Variants in ST6GALNAC5 observed in about 807,000 individuals in gnomAD.
The protein encoded by ST6GALNAC5 is alpha-N-acetylgalactosaminide alpha-2,6-sialyltransferase 5.
ST6GALNAC5 carries 27 observed loss-of-function variants against 33.6 expected under a neutral mutation model. The ratio of observed to expected loss-of-function variants is 0.80; its 90% CI spans 0.59 to 1.11. The LOEUF (loss-of-function observed/expected upper bound fraction) is 1.11. ST6GALNAC5 is among the 50% of genes least tolerant of loss of function. The probability of loss-of-function intolerance (pLI) is 0.00; values close to 1 mark genes in which losing one functional copy is unlikely to be tolerated. For missense variants in ST6GALNAC5, 428 were observed against 454.0 expected, an observed-to-expected ratio of 0.94 and a Z score of 0.52; for synonymous variants, 194 against 171.2, an observed-to-expected ratio of 1.13 and a Z score of -1.04.
chr1:76,989,270 C>T (rs1028424542), intron 2 of ST6GALNAC5, among the ~76,000 whole-genome samples: 1 of 151,794 alleles, frequency 6.6e-6, no homozygotes, highest in Admixed American at 6.6e-5. Context: ...GTTTTTATTT[C>T]CTTAATTCTT....
chr1:76,968,486 G>A lies in ST6GALNAC5; in HGVS notation c.262-75718G>A, dbSNP rs556991269. Among the ~76,000 whole-genome samples the A allele has an allele frequency of 3.3e-5, 5 of 152,252 alleles. No individual in the cohort carries two copies. The South Asian group carries it at 1.0e-3, about 32-fold the overall frequency. On this transcript the variant is annotated intron_variant, in intron 2 of 4. Transcript: ENST00000477717. ...AGCCTATGTGTGTCTCTGCACATGA[G>A]ATGGGTCTCCTGAATAGAGCACACT...
chr1:76,911,226 T>C (rs1646908397), intron 2 of ST6GALNAC5, among the ~76,000 whole-genome samples: 1 of 152,174 alleles, frequency 6.6e-6, no homozygotes, highest in South Asian at 2.1e-4. Context: ...TTTGGTTCTG[T>C]TTATATGCTG....
At chr1:76,983,901 C>A (rs1316842587) in intron 2 of ST6GALNAC5, among the ~76,000 whole-genome samples, 4 of 152,226 alleles carry the variant, frequency 2.6e-5, no homozygotes, top group African/African-American at 9.6e-5. Flanking sequence ...CAACCTGCTC[C>A]TGAATGACTA....
intron 2 of ST6GALNAC5, among the ~76,000 whole-genome samples, chr1:76,942,094 G>C (rs961438994): frequency 6.6e-6 from 1 of 152,150 alleles, no homozygotes; most frequent in East Asian, 1.9e-4. Flanking sequence ...TTTTCTGTAC[G>C]GGTGCATCAC....
At chr1:76,870,222 C>T (rs1380901766) in intron 2 of ST6GALNAC5, among the ~76,000 whole-genome samples, 4 of 152,078 alleles carry the variant, frequency 2.6e-5, no homozygotes, top group East Asian at 3.8e-4. Context: ...TGCAAGCAAC[C>T]GATAAGGGCT....
At chr1:76,976,051 C>A (rs1648998652) in intron 2 of ST6GALNAC5, among the ~76,000 whole-genome samples, 1 of 152,016 alleles carries the variant, frequency 6.6e-6, no homozygotes, top group East Asian at 1.9e-4. Flanking sequence ...GTTGAGATTG[C>A]ACCACAGCAT....
intron 2 of ST6GALNAC5, among the ~76,000 whole-genome samples, chr1:76,922,299 T>C (rs1026823960): frequency 1.3e-5 from 2 of 152,090 alleles, no homozygotes; most frequent in African/African-American, 4.8e-5. Flanking sequence ...GGTATAAACC[T>C]AACAAAAAAA....
At chr1:76,923,343 C>T (rs546421559) in intron 2 of ST6GALNAC5, among the ~76,000 whole-genome samples, 21 of 151,324 alleles carry the variant, frequency 1.4e-4, no homozygotes, top group Admixed American at 3.9e-4. Context: ...AGCCATTGGA[C>T]GGGGTTTGGA....
chr1:77,036,027 T>C (rs2100453425), intron 2 of ST6GALNAC5, among the ~76,000 whole-genome samples: 1 of 152,272 alleles, frequency 6.6e-6, no homozygotes, highest in East Asian at 1.9e-4. Flanking sequence ...GAATGATGAC[T>C]GAATAAACAA....
intron 2 of ST6GALNAC5, among the ~76,000 whole-genome samples, chr1:76,883,936 G>A (rs2100926012): frequency 6.6e-6 from 1 of 152,290 alleles, no homozygotes; most frequent in East Asian, 1.9e-4. Context: ...GAAGTATTAT[G>A]GGCTGTGGAG....
In ST6GALNAC5 at chr1:76,874,933, T is replaced by C. The variant is rs113856594; in HGVS notation, c.261+6191T>C. Reference sequence around the variant, plus strand: ...AATAATGCCTAACATAATAAAACTATCCTTCATACAACTGGAAACACACCA... The same window carrying C: ...AATAATGCCTAACATAATAAAACTACCCTTCATACAACTGGAAACACACCA... On this transcript the variant is annotated intron_variant, in intron 2 of 4. Coordinates refer to ENST00000477717, the MANE Select transcript of ST6GALNAC5 (RefSeq NM_030965.3). Among the ~76,000 whole-genome samples the C allele has an allele frequency of 1.6e-4, 25 of 152,214 alleles. 5 individuals carry two copies. Among genetic ancestry groups the C allele is most frequent in the African/African-American group, 6.0e-4 (25 of 41,528 alleles).
intron 2 of ST6GALNAC5, among the ~76,000 whole-genome samples, chr1:76,875,706 C>T (rs1371191811): frequency 2.6e-5 from 4 of 152,124 alleles, no homozygotes; most frequent in Non-Finnish European, 4.4e-5. Context: ...GTTCCGCTTC[C>T]ACTTCCACCT....
chr1:77,051,744 TA>T (rs1352692535), intron 4 of ST6GALNAC5, among the ~76,000 whole-genome samples: 1 of 152,146 alleles, frequency 6.6e-6, no homozygotes, highest in Non-Finnish European at 1.5e-5. Flanking sequence ...TAGAATGGCC[TA>T]AAAAGGCAAA....
intron 2 of ST6GALNAC5, among the ~76,000 whole-genome samples, chr1:76,968,466 A>G (rs2100361234): frequency 6.6e-6 from 1 of 152,248 alleles, no homozygotes; most frequent in East Asian, 1.9e-4. Context: ...TTTTGAGCCT[A>G]TGTGTGTCTC....
chr1:77,008,208 C>T (rs1650500705), intron 2 of ST6GALNAC5, among the ~76,000 whole-genome samples: 1 of 152,186 alleles, frequency 6.6e-6, no homozygotes. Flanking sequence ...CCAGCTAAAA[C>T]TCACTTCATG....
intron 2 of ST6GALNAC5, among the ~76,000 whole-genome samples, chr1:76,909,791 C>A (rs1646894206): frequency 6.6e-6 from 1 of 151,980 alleles, no homozygotes; most frequent in Non-Finnish European, 1.5e-5. Flanking sequence ...TATTCTTGGA[C>A]TGTAAATCAT....
At chr1:76,993,809 G>T (rs1649824403) in intron 2 of ST6GALNAC5, among the ~76,000 whole-genome samples, 1 of 151,904 alleles carries the variant, frequency 6.6e-6, no homozygotes, top group African/African-American at 2.4e-5. Context: ...CATTAAGCTT[G>T]CCCTGTAAAG....
intron 2 of ST6GALNAC5, among the ~76,000 whole-genome samples, chr1:76,960,019 C>A (rs1392456171): frequency 6.6e-6 from 1 of 152,122 alleles, no homozygotes; most frequent in Non-Finnish European, 1.5e-5. Flanking sequence ...GAGGCCTGAC[C>A]CTTTGACAGC....
chr1:76,965,042 A>G (rs555876885), intron 2 of ST6GALNAC5, among the ~76,000 whole-genome samples: 1 of 152,234 alleles, frequency 6.6e-6, no homozygotes, highest in East Asian at 1.9e-4. Context: ...AGTCTTTGCT[A>G]TTGTGAATAG....
Sources: gnomAD v4.1 joint callset for allele counts (sites outside exome capture counted in the v4.1 genomes callset) on GRCh38, gnomAD v4.1.1 for gene constraint, MANE v1.5 for transcripts, NCBI Gene and HGNC (gene_info 2026-07-23, HGNC 2026-07-21) for gene names.